Variants in CCSER1 observed in about 807,000 individuals in gnomAD.
CCSER1 encodes the protein serine-rich coiled-coil domain-containing protein 1.
CCSER1 carries 41 observed loss-of-function variants against 82.0 expected under a neutral mutation model. The observed-to-expected ratio is 0.50, with a 90% CI of 0.39 to 0.65. The LOEUF (loss-of-function observed/expected upper bound fraction) is 0.65. Among genes scored for constraint, CCSER1 ranks in the 30% least tolerant of loss-of-function variants. The pLI is 0.00. For synonymous variants in CCSER1, 414 were observed against 383.9 expected (o/e 1.08, Z -0.92); for missense variants, 1,119 against 1,064.2 (o/e 1.05, Z -0.72).
At chr4:91,319,764 G>C in intron 10 of CCSER1, 1 of 455,136 alleles carries the variant, frequency 2.2e-6, no homozygotes, top group Middle Eastern at 3.3e-4. Flanking sequence ...TCACCTGTCA[G>C]CTGCTTCTCT....
intron 8 of CCSER1, among the ~76,000 whole-genome samples, chr4:90,862,940 T>TTTA (rs750400483): frequency 1.5e-3 from 229 of 150,094 alleles, no homozygotes; most frequent in Admixed American, 2.4e-3. Context: ...ACAATTTCTT[T>TTTA]TTATTATTAT....
At chr4:90,283,810 G>A (rs577149084) in intron 1 of CCSER1, among the ~76,000 whole-genome samples, 2 of 152,014 alleles carry the variant, frequency 1.3e-5, no homozygotes, top group East Asian at 1.9e-4. Flanking sequence ...ATCTCTTTTC[G>A]TTGTATTGAT....
At chr4:90,542,535 T>G (rs1776244311) in intron 5 of CCSER1, among the ~76,000 whole-genome samples, 1 of 152,056 alleles carries the variant, frequency 6.6e-6, no homozygotes, top group Admixed American at 6.6e-5. Context: ...TCACTTAGGG[T>G]ACTCAGTTAT....
At chr4:91,473,070 C>T (rs902254172) in intron 10 of CCSER1, among the ~76,000 whole-genome samples, 2 of 152,072 alleles carry the variant, frequency 1.3e-5, no homozygotes, top group South Asian at 2.1e-4. Flanking sequence ...CTGTGTGTTC[C>T]GCCAATGCCC....
intron 9 of CCSER1, among the ~76,000 whole-genome samples, chr4:91,063,756 T>C (rs1744143178): frequency 2.0e-5 from 3 of 152,166 alleles, no homozygotes; most frequent in Non-Finnish European, 2.9e-5. Context: ...AAATCCTAAG[T>C]AAATATAATA....
intron 7 of CCSER1, among the ~76,000 whole-genome samples, chr4:90,788,111 C>G (rs1754763815): frequency 6.6e-6 from 1 of 152,044 alleles, no homozygotes; most frequent in African/African-American, 2.4e-5. Flanking sequence ...CTAATATTAT[C>G]CTATGTTAGA....
At chr4:91,530,782 G>C (rs1323054821) in intron 10 of CCSER1, among the ~76,000 whole-genome samples, 4 of 151,374 alleles carry the variant, frequency 2.6e-5, no homozygotes, top group African/African-American at 9.7e-5. Flanking sequence ...CCGCCTCCCA[G>C]GTTCAAGCGA....
chr4:90,695,687 G>A (rs1301034480), intron 6 of CCSER1, among the ~76,000 whole-genome samples: 1 of 151,694 alleles, frequency 6.6e-6, no homozygotes, highest in African/African-American at 2.4e-5. Flanking sequence ...AATGTCAAAA[G>A]GAAAAACCAA....
chr4:90,494,204 A>G (rs189907827), intron 5 of CCSER1, among the ~76,000 whole-genome samples: 2 of 152,376 alleles, frequency 1.3e-5, no homozygotes, highest in African/African-American at 4.8e-5. Flanking sequence ...CAATTCCACA[A>G]GAAGAGCTAA....
At chr4:90,492,514 C>T (rs893804382) in intron 5 of CCSER1, among the ~76,000 whole-genome samples, 4 of 152,026 alleles carry the variant, frequency 2.6e-5, no homozygotes, top group African/African-American at 9.7e-5. Context: ...GTGTCTCTAT[C>T]TCCTTCAGTT....
intron 10 of CCSER1, among the ~76,000 whole-genome samples, chr4:91,411,553 T>C (rs947915730): frequency 4.5e-5 from 6 of 133,502 alleles, no homozygotes; most frequent in Non-Finnish European, 7.9e-5. Context: ...ATATATTTAA[T>C]ATTTTGCTTC....
chr4:91,546,802 T>C (rs191842778), intron 10 of CCSER1, among the ~76,000 whole-genome samples: 41 of 152,142 alleles, frequency 2.7e-4, no homozygotes, highest in Non-Finnish European at 5.0e-4. Context: ...TTCTAGTTTC[T>C]TGTGGATATT....
At chr4:90,321,425 TTGTGTG>T (rs1055295222) in intron 3 of CCSER1, among the ~76,000 whole-genome samples, 3 of 152,216 alleles carry the variant, frequency 2.0e-5, no homozygotes, top group African/African-American at 7.2e-5. Context: ...TAATATTCTA[TTGTGTG>T]TATGTACCAC....
intron 10 of CCSER1, among the ~76,000 whole-genome samples, chr4:91,125,204 G>A (rs1233986134): frequency 6.6e-6 from 1 of 151,556 alleles, no homozygotes; most frequent in African/African-American, 2.4e-5. Flanking sequence ...ATTACTACTT[G>A]TATACAATTA....
chr4:90,272,139 G>A (rs929023409), intron 1 of CCSER1, among the ~76,000 whole-genome samples: 1 of 151,632 alleles, frequency 6.6e-6, no homozygotes, highest in South Asian at 2.1e-4. Flanking sequence ...GGACACATGA[G>A]GATTACAATT....
intron 5 of CCSER1, among the ~76,000 whole-genome samples, chr4:90,610,889 T>TTTTTG (rs1785382153): frequency 6.6e-6 from 1 of 152,008 alleles, no homozygotes; most frequent in South Asian, 2.1e-4. Flanking sequence ...TTTGTTGTTG[T>TTTTTG]TTCTTTGAGA....
intron 10 of CCSER1, among the ~76,000 whole-genome samples, chr4:91,126,883 A>G (rs1385014153): frequency 2.0e-5 from 3 of 151,994 alleles, no homozygotes; most frequent in African/African-American, 7.2e-5. Context: ...GGGATTGAAG[A>G]TACAGGGCCT....
intron 10 of CCSER1, among the ~76,000 whole-genome samples, chr4:91,169,120 G>A (rs1279515991): frequency 6.7e-6 from 1 of 149,862 alleles, no homozygotes; most frequent in Non-Finnish European, 1.5e-5. Flanking sequence ...GTGTTTATCT[G>A]CTGACCTTGT....
At chr4:90,368,519 G>C (rs371488121) in intron 3 of CCSER1, among the ~76,000 whole-genome samples, 1 of 151,852 alleles carries the variant, frequency 6.6e-6, no homozygotes, top group South Asian at 2.1e-4. Context: ...TGTAGTCTTA[G>C]CTCCTGGGGT....
Sources: allele counts gnomAD v4.1 joint callset (sites outside exome capture counted in the v4.1 genomes callset), GRCh38; gene constraint gnomAD v4.1.1; transcripts MANE v1.5; gene names NCBI Gene and HGNC (gene_info 2026-07-23, HGNC 2026-07-21).